The following GNB1 variants were observed in gnomAD, a reference collection of about 807,000 sequenced individuals.
GNB1 encodes guanine nucleotide-binding protein G(I)/G(S)/G(T) subunit beta-1.
In GNB1, 2 loss-of-function variants were observed where a neutral mutation model predicts 42.9. That is an observed-to-expected ratio of 0.05 (90% CI 0.02 to 0.15). The LOEUF is 0.15. Among genes scored for constraint, GNB1 ranks in the 10% least tolerant of loss-of-function variants. GNB1 has a pLI of 1.00. For synonymous variants in GNB1, 183 were observed against 174.7 expected, an observed-to-expected ratio of 1.05 and a Z score of -0.38; for missense variants, 193 against 462.2, an observed-to-expected ratio of 0.42 and a Z score of 5.34.
intron 1 of GNB1, among the ~76,000 whole-genome samples, chr1:1,876,198 G>T (rs1385843764): frequency 6.6e-6 from 1 of 152,162 alleles, no homozygotes; most frequent in Non-Finnish European, 1.5e-5. Context: ...AACTTGTGAT[G>T]ATTTGCTACA....
At chr1:1,842,482 G>T (rs573374561) in intron 1 of GNB1, among the ~76,000 whole-genome samples, 1 of 149,262 alleles carries the variant, frequency 6.7e-6, no homozygotes, top group South Asian at 2.1e-4. Context: ...CTAGAACACA[G>T]ACAAACCTCA....
Position 1,811,088 on chromosome 1 carries a change from T to A in GNB1, c.204-4550A>T, listed in dbSNP as rs1455335125. Among the ~76,000 whole-genome samples, 1,107 of 147,824 alleles carry A rather than the reference T, an allele frequency of 7.5e-3. 9 individuals carry two copies. The highest frequency in any genetic ancestry group is 0.012 in the Non-Finnish European group (824 of 67,124). On this transcript the variant is annotated intron_variant, in intron 5 of 11. Transcript: ENST00000378609. ...ATATATACATATATATATATTTTTT[T>A]TTTTTTTCTTTTTTTGAGATGGAGT... is the stretch of plus-strand genomic sequence containing the variant.
chr1:1,833,787 GTTC>G (rs1399936923), intron 2 of GNB1, among the ~76,000 whole-genome samples: 1 of 152,144 alleles, frequency 6.6e-6, no homozygotes, highest in East Asian at 1.9e-4. Flanking sequence ...TAACACAACT[GTTC>G]TTGTTTGAGG....
intron 4 of GNB1, 78 bp downstream of exon 4, chr1:1,817,759 C>T (rs1046550639): frequency 1.0e-6 from 1 of 988,040 alleles, no homozygotes; most frequent in Admixed American, 1.8e-5. Context: ...AAGCAGAGCC[C>T]TCCCGAGGCT....
chr1:1,819,705 ATTT>A (rs34199353), intron 3 of GNB1, among the ~76,000 whole-genome samples: 9 of 130,982 alleles, frequency 6.9e-5, no homozygotes, highest in Non-Finnish European at 5.0e-5. Context: ...TGCCCGGCTA[ATTT>A]TTTTTTTTTT....
chr1:1,808,001 G>C (rs908278404), intron 5 of GNB1, among the ~76,000 whole-genome samples: 1 of 150,770 alleles, frequency 6.6e-6, no homozygotes, highest in Non-Finnish European at 1.5e-5. Flanking sequence ...GAGCCACCAC[G>C]CCCGGCCTCT....
rs908024976 is a variant in GNB1 at position 1,884,248 on chromosome 1, C to CTG, written c.-96+6571_-96+6572insCA. Among the ~76,000 whole-genome samples, 34 of 151,950 alleles carry CTG rather than the reference C, an allele frequency of 2.2e-4. 1 individual carries two copies. Among genetic ancestry groups the CTG allele is most frequent in the Admixed American group, 1.9e-3 (29 of 15,236 alleles). On this transcript the variant is annotated intron_variant, in intron 1 of 11. Coordinates refer to ENST00000378609, the MANE Select transcript of GNB1 (RefSeq NM_002074.5). ...CCGAGTAGCTGGAATTACAGGCATG[C>CTG]ATCACCATGCCTGGGTAATTTTTTG...
chr1:1,885,628 C>T (rs1650108462), intron 1 of GNB1, among the ~76,000 whole-genome samples: 1 of 140,292 alleles, frequency 7.1e-6, no homozygotes, highest in African/African-American at 2.7e-5. Context: ...ACGATCTCGG[C>T]TCACTGCAAG....
intron 1 of GNB1, among the ~76,000 whole-genome samples, chr1:1,857,749 T>TTA (rs1402337712): frequency 1.3e-5 from 2 of 152,182 alleles, no homozygotes; most frequent in Non-Finnish European, 2.9e-5. Flanking sequence ...GTACCACACT[T>TTA]TATATAGACT....
At chr1:1,885,270 AG>A (rs1355811644) in intron 1 of GNB1, among the ~76,000 whole-genome samples, 1 of 150,912 alleles carries the variant, frequency 6.6e-6, no homozygotes, top group Non-Finnish European at 1.5e-5. Flanking sequence ...AAAATTAGCC[AG>A]GCATGGTGGC....
At position 1,845,824 on chromosome 1, in the gene GNB1, TACACACACAC is replaced by T. The variant is rs55953457; in HGVS notation, c.-95-6596_-95-6587del. Among the ~76,000 whole-genome samples the T allele has an allele frequency of 8.7e-3, 1,225 of 140,344 alleles. 10 individuals carry two copies. The highest frequency in any genetic ancestry group is 0.02 in the African/African-American group (729 of 37,218). 92.1% of individuals were successfully genotyped at this position (140,344 alleles called of 152,430 possible). ...GTAGAATCATTTGTGTGTAAGTCCA[TACACACACAC>T]ACACACACACACACACACACACACA... On this transcript the variant is annotated intron_variant, in intron 1 of 11. Coordinates refer to ENST00000378609, the MANE Select transcript of GNB1 (RefSeq NM_002074.5).
rs1400070680 is a variant in GNB1, at chr1:1,804,454, T to C, written c.395A>G (p.Asn132Ser). Residue 132 changes from asparagine (N) to serine (S), a missense_variant, in exon 7 of 12, where the codon AAC (asparagine) becomes AGC (serine). Physicochemically the swap from Asn to Ser is conservative, Grantham distance 46. Around this residue, in one of 2 missense-constraint regions of GNB1, gnomAD observed 150 missense variants for 410.8 expected, o/e 0.37. Coordinates refer to ENST00000378609, the MANE Select transcript of GNB1 (RefSeq NM_002074.5). The part of the protein sequence containing the change: ...SIYNLKTREG[N>S]VRVSRELAGH... Reference sequence around the variant, plus strand: ...TGCCAGCTCACGACTCACGCGCACGTTCCCCTCACGAGTTTTCAGATTGTA... The same window carrying C: ...TGCCAGCTCACGACTCACGCGCACGCTCCCCTCACGAGTTTTCAGATTGTA... The C allele has an allele frequency of 1.2e-6, 2 of 1,613,744 alleles. No individual in the cohort carries two copies. The highest frequency in any genetic ancestry group is 1.7e-6 in the Non-Finnish European group (2 of 1,179,718).
At chr1:1,864,431 G>A (rs1436010717) in intron 1 of GNB1, among the ~76,000 whole-genome samples, 2 of 151,170 alleles carry the variant, frequency 1.3e-5, no homozygotes, top group South Asian at 2.1e-4. Context: ...ATAGGGCCTA[G>A]TACACAGTAG....
intron 7 of GNB1, among the ~76,000 whole-genome samples, chr1:1,801,698 A>G (rs1302326708): frequency 1.3e-5 from 2 of 152,200 alleles, no homozygotes; most frequent in African/African-American, 4.8e-5. Context: ...CCTGTAATCA[A>G]GTAACTCAAA....
intron 1 of GNB1, among the ~76,000 whole-genome samples, chr1:1,887,183 G>A (rs1483547407): frequency 6.6e-6 from 1 of 152,182 alleles, no homozygotes; most frequent in Non-Finnish European, 1.5e-5. Context: ...CAGTAAGAAT[G>A]TAATCCAATT....
intron 1 of GNB1, among the ~76,000 whole-genome samples, chr1:1,880,609 G>A (rs1033960306): frequency 6.6e-6 from 1 of 151,088 alleles, no homozygotes; most frequent in African/African-American, 2.4e-5. Context: ...ATATATATAT[G>A]ATGATGAAAA....
chr1:1,824,667 G>T (rs889898402), intron 3 of GNB1, among the ~76,000 whole-genome samples: 1 of 151,986 alleles, frequency 6.6e-6, no homozygotes, highest in African/African-American at 2.4e-5. Flanking sequence ...CTGCCTCCCG[G>T]GTTCAAGGGA....
intron 1 of GNB1, among the ~76,000 whole-genome samples, chr1:1,845,556 G>T (rs991807362): frequency 6.6e-6 from 1 of 152,070 alleles, no homozygotes; most frequent in Non-Finnish European, 1.5e-5. Context: ...CTGGGTGACA[G>T]TGCGAGACTC....
intron 2 of GNB1, among the ~76,000 whole-genome samples, chr1:1,835,963 G>A (rs1647143402): frequency 6.8e-6 from 1 of 147,872 alleles, no homozygotes; most frequent in African/African-American, 2.5e-5. Context: ...GGTAGTGCGT[G>A]CCTATAGTCC....
Sources: gnomAD v4.1 joint callset for allele counts (sites outside exome capture counted in the v4.1 genomes callset) on GRCh38, gnomAD v4.1.1 for gene constraint, gnomAD v4.1.1 regional missense constraint, MANE v1.5 for transcripts, NCBI Gene and HGNC (gene_info 2026-07-23, HGNC 2026-07-21) for gene names.